Variants in SCARB1 observed in about 807,000 individuals in gnomAD.
The protein encoded by SCARB1 is CD36 and LIMPII analogous 1.
SCARB1 carries 30 observed loss-of-function variants against 57.2 expected under a neutral mutation model. That is an observed-to-expected ratio of 0.52 (90% confidence interval 0.39 to 0.71). The LOEUF is 0.71. Ranked by LOEUF, SCARB1 falls within the 30% of genes least tolerant of loss-of-function variation. SCARB1 has a pLI of 0.00. For synonymous variants in SCARB1, 249 were observed against 268.3 expected, an observed-to-expected ratio of 0.93 and a Z score of 0.70; for missense variants, 543 against 671.2, an observed-to-expected ratio of 0.81 and a Z score of 2.11.
chr12:124,797,774 G>A (rs926154826), intron 8 of SCARB1, among the ~76,000 whole-genome samples: 12 of 152,234 alleles, frequency 7.9e-5, no homozygotes, highest in African/African-American at 2.4e-4. Context: ...GGCTGGGGCC[G>A]GGGCCGAGAG....
rs548538375 is a variant in SCARB1, at chr12:124,810,473, T to C, written c.727-184A>G. Among the ~76,000 whole-genome samples the C allele has an allele frequency of 1.2e-4, 19 of 152,222 alleles. 1 individual carries two copies. The highest frequency in any genetic ancestry group is 4.6e-4 in the Admixed American group (7 of 15,282). On this transcript the variant is annotated intron_variant, in intron 5 of 12. Transcript: ENST00000261693. This position sits in a 1 kb window ranked among gnomAD's most constrained non-coding sequence, Gnocchi z 4.0. ...GAGAATGCCTACCACAGCTTCCCCC[T>C]CCCAGACCCCTGAATGTGTAACTTC...
At chr12:124,855,160 G>A (rs2135844172) in intron 1 of SCARB1, among the ~76,000 whole-genome samples, 1 of 152,296 alleles carries the variant, frequency 6.6e-6, no homozygotes, top group South Asian at 2.1e-4. Flanking sequence ...TCCAGAGAAG[G>A]TGTAAGGAAC....
chr12:124,830,180 G>GA (rs1951330429), intron 1 of SCARB1, among the ~76,000 whole-genome samples: 1 of 152,216 alleles, frequency 6.6e-6, no homozygotes, highest in Non-Finnish European at 1.5e-5. Flanking sequence ...TGGCTACAAT[G>GA]AAAAAGACTG....
At chr12:124,854,954 G>A (rs988363806) in intron 1 of SCARB1, among the ~76,000 whole-genome samples, 11 of 152,200 alleles carry the variant, frequency 7.2e-5, no homozygotes, top group African/African-American at 2.4e-4. Flanking sequence ...CCATTCAGGC[G>A]CAAGGCTGGA....
intron 6 of SCARB1, among the ~76,000 whole-genome samples, chr12:124,809,276 T>G (rs753652816): frequency 6.6e-6 from 1 of 152,034 alleles, no homozygotes; most frequent in Non-Finnish European, 1.5e-5. Flanking sequence ...AACTTTTCTT[T>G]AAGTTTAAAA....
At chr12:124,818,152 G>T (rs1054114972) in intron 1 of SCARB1, among the ~76,000 whole-genome samples, 2 of 152,196 alleles carry the variant, frequency 1.3e-5, no homozygotes, top group African/African-American at 4.8e-5. Flanking sequence ...TAAGAGCTGG[G>T]GATGGGAGAA....
At chr12:124,840,366 C>CG (rs1951861916) in intron 1 of SCARB1, among the ~76,000 whole-genome samples, 1 of 152,076 alleles carries the variant, frequency 6.6e-6, no homozygotes, top group Admixed American at 6.6e-5. Flanking sequence ...TTAGTAGAGA[C>CG]GGGGTTTCGC....
chr12:124,782,138 A>G (rs962191788), intron 12 of SCARB1, among the ~76,000 whole-genome samples: 1 of 152,024 alleles, frequency 6.6e-6, no homozygotes, highest in African/African-American at 2.4e-5. Flanking sequence ...TGAACTCCTG[A>G]CCTCAAATGA....
intron 1 of SCARB1, among the ~76,000 whole-genome samples, chr12:124,846,686 G>C (rs1297605366): frequency 7.8e-6 from 1 of 128,532 alleles, no homozygotes. Context: ...AGCTGAGATC[G>C]CGCCACTGCA....
At chr12:124,840,459 A>G (rs1450949735) in intron 1 of SCARB1, among the ~76,000 whole-genome samples, 5 of 152,148 alleles carry the variant, frequency 3.3e-5, no homozygotes, top group African/African-American at 1.2e-4. Flanking sequence ...TACAGGCGTG[A>G]GCCACCGCGC....
In SCARB1 at chr12:124,810,090, G is replaced by A; in HGVS notation, c.842+84C>T. The stretch of plus-strand genomic sequence containing the variant: ...AGTCAAATCCACGATGAGTCAAAAT[G>A]CTTTCCAAGTGCACAGCCAACACCA... On this transcript the variant is annotated intron_variant, in intron 6 of 12. Transcript: ENST00000261693. This position sits in a 1 kb window ranked among gnomAD's most constrained non-coding sequence, Gnocchi z 4.0. The A allele has an allele frequency of 1.2e-6, 1 of 849,158 alleles. No homozygotes were observed. The highest frequency in any genetic ancestry group is 2.0e-6 in the Non-Finnish European group (1 of 503,102). 52.6% of individuals were successfully genotyped at this position (849,158 alleles called of 1,614,324 possible). A position where few individuals can be genotyped will look rare whatever the true frequency, so the allele number is the denominator to read the frequency against.
At chr12:124,833,915 A>G (rs10846750) in intron 1 of SCARB1, among the ~76,000 whole-genome samples, 60,000 of 152,208 alleles carry the variant, frequency 0.39, 12,241 homozygotes, top group Admixed American at 0.52. Flanking sequence ...ACTCTCCCGC[A>G]GCTGCTTTCA....
In SCARB1 at chr12:124,778,304, G is replaced by A. The variant is rs1482493032; in HGVS notation, c.*283C>T. The A allele has an allele frequency of 8.9e-6, 6 of 676,296 alleles. No individual in the cohort carries two copies. The highest frequency in any genetic ancestry group is 5.6e-5 in the African/African-American group (3 of 53,592). The allele number at this position is 676,296 out of a possible 1,614,324, so 41.9% of individuals were successfully genotyped here. A position where few individuals can be genotyped will look rare whatever the true frequency, so the allele number is the denominator to read the frequency against. On this transcript the variant is annotated 3_prime_UTR_variant, in exon 13 of 13. Coordinates refer to ENST00000261693, the MANE Select transcript of SCARB1 (RefSeq NM_005505.5). ...CCCTGTGGTCAGGCCTGTGGGCCAC[G>A]TGGAGAGAAGGTTCCAGAACAGTGC...
intron 9 of SCARB1, among the ~76,000 whole-genome samples, chr12:124,794,515 C>T (rs548298880): frequency 6.6e-6 from 1 of 151,632 alleles, no homozygotes; most frequent in East Asian, 2.0e-4. Context: ...ATTCTCCTGC[C>T]TCAGCGTTTC....
intron 9 of SCARB1, among the ~76,000 whole-genome samples, chr12:124,793,423 G>A (rs985198177): frequency 0.017 from 3 of 174 alleles, no homozygotes; most frequent in African/African-American, 0.042. Flanking sequence ...GGCCGGGCGC[G>A]GTGCTCACGC....
chr12:124,819,305 G>A (rs1950861296), intron 1 of SCARB1, among the ~76,000 whole-genome samples: 1 of 152,164 alleles, frequency 6.6e-6, no homozygotes, highest in East Asian at 1.9e-4. Context: ...GGAGACGCTG[G>A]GAGAGAGCCT....
At chr12:124,831,415 C>A (rs73227581) in intron 1 of SCARB1, among the ~76,000 whole-genome samples, 2,580 of 152,210 alleles carry the variant, frequency 0.017, 30 homozygotes, top group Non-Finnish European at 0.025. Context: ...CTGCGCCTGG[C>A]CTAAAGCAAA....
At chr12:124,858,631 G>A (rs1320392023) in intron 1 of SCARB1, among the ~76,000 whole-genome samples, 2 of 152,038 alleles carry the variant, frequency 1.3e-5, no homozygotes, top group African/African-American at 4.8e-5. Context: ...TGTAATCCCA[G>A]CACTTTGGGA....
intron 8 of SCARB1, 98 bp from the exon 9 acceptor site, chr12:124,795,366 C>G (rs1949907152): frequency 1.1e-6 from 1 of 940,946 alleles, no homozygotes; most frequent in South Asian, 1.3e-5. Flanking sequence ...GGTGGGCGTC[C>G]CAGCTAACTG....
Sources: allele counts gnomAD v4.1 joint callset (sites outside exome capture counted in the v4.1 genomes callset), GRCh38; gene constraint gnomAD v4.1.1; non-coding constraint Gnocchi (gnomAD v3.1); transcripts MANE v1.5; gene names NCBI Gene and HGNC (gene_info 2026-07-23, HGNC 2026-07-21).